OSBP2: variants seen among roughly 807,000 people sequenced by gnomAD.
The protein encoded by OSBP2 is oxysterol-binding protein 2.
OSBP2 carries 66 observed loss-of-function variants against 96.0 expected under a neutral mutation model. The observed-to-expected ratio is 0.69, with a 90% CI of 0.56 to 0.84. The LOEUF is 0.84. Ranked by LOEUF, OSBP2 falls within the 40% of genes least tolerant of loss-of-function variation. The pLI is 0.00. For synonymous variants in OSBP2, 525 were observed against 520.9 expected (o/e 1.01, Z -0.11); for missense variants, 1,038 against 1,222.7 (o/e 0.85, Z 2.25).
intron 3 of OSBP2, among the ~76,000 whole-genome samples, chr22:30,880,300 G>A (rs569389624): frequency 5.3e-5 from 8 of 152,308 alleles, no homozygotes; most frequent in Non-Finnish European, 8.8e-5. Flanking sequence ...AGGGTCCTCC[G>A]GCCGCCCACC....
At chr22:30,830,971 G>T (rs1204049462) in intron 2 of OSBP2, among the ~76,000 whole-genome samples, 1 of 152,096 alleles carries the variant, frequency 6.6e-6, no homozygotes, top group Non-Finnish European at 1.5e-5. Flanking sequence ...TTCGTTGGAA[G>T]GCTGTGGAAT....
At chr22:30,905,491 G>A (rs1006914161) in intron 12 of OSBP2, among the ~76,000 whole-genome samples, 4 of 151,778 alleles carry the variant, frequency 2.6e-5, no homozygotes, top group African/African-American at 9.7e-5. Context: ...CAACAAGAGT[G>A]AAACTGTCTC....
At chr22:30,879,773 C>T (rs2039661790) in intron 3 of OSBP2, among the ~76,000 whole-genome samples, 1 of 152,210 alleles carries the variant, frequency 6.6e-6, no homozygotes, top group Admixed American at 6.5e-5. Flanking sequence ...GAAGCCAAGC[C>T]AGGCATGGTG....
chr22:30,768,685 A>C (rs952774155), intron 2 of OSBP2, among the ~76,000 whole-genome samples: 5 of 152,136 alleles, frequency 3.3e-5, no homozygotes, highest in East Asian at 1.9e-4. Context: ...ATCTCAAAAA[A>C]AAAAACAAAA....
intron 3 of OSBP2, among the ~76,000 whole-genome samples, chr22:30,872,010 C>A (rs7289693): frequency 0.048 from 7,314 of 152,340 alleles, 588 homozygotes; most frequent in African/African-American, 0.17. Flanking sequence ...GGAAACTCAG[C>A]CTGCAGGTGC....
intron 2 of OSBP2, among the ~76,000 whole-genome samples, chr22:30,869,760 G>A (rs1171540370): frequency 3.9e-5 from 6 of 152,166 alleles, no homozygotes; most frequent in African/African-American, 1.2e-4. Context: ...TCTTTTGGCA[G>A]AGTTTGGACA....
At chr22:30,837,037 G>A (rs986417888) in intron 2 of OSBP2, among the ~76,000 whole-genome samples, 6 of 152,064 alleles carry the variant, frequency 3.9e-5, no homozygotes, top group African/African-American at 1.5e-4. Flanking sequence ...CATCACTTGA[G>A]CCCAGGAGTT....
chr22:30,781,262 A>G (rs2090515661), intron 2 of OSBP2, among the ~76,000 whole-genome samples: 1 of 151,656 alleles, frequency 6.6e-6, no homozygotes, highest in South Asian at 2.1e-4. Flanking sequence ...GATTACAGAC[A>G]TGAGCCACCA....
At chr22:30,735,701 ATTCTTC>A (rs538843733) in intron 1 of OSBP2, among the ~76,000 whole-genome samples, 7 of 151,302 alleles carry the variant, frequency 4.6e-5, no homozygotes, top group Middle Eastern at 3.4e-3. Flanking sequence ...GGCTGAAGCG[ATTCTTC>A]TTCTTCTTCT....
At position 30,739,820 on chromosome 22, in the gene OSBP2, T is replaced by TTTTTG. The variant is rs564819366; in HGVS notation, c.645-1322_645-1318dup. On this transcript the variant is annotated intron_variant, in intron 1 of 13. Transcript: ENST00000332585. ...CTCCCTGAGCATTCAGGGAGCAGAG[T>TTTTTG]TTTTGTTTTGTTTTGTTTTGTTTGT... Among the ~76,000 whole-genome samples, 251 of 149,760 alleles carry TTTTTG rather than the reference T, an allele frequency of 1.7e-3. 1 individual carries two copies. Among genetic ancestry groups the TTTTTG allele is most frequent in the African/African-American group, 5.7e-3 (230 of 40,592 alleles).
At chr22:30,714,221 T>A (rs117374444) in intron 1 of OSBP2, among the ~76,000 whole-genome samples, 112 of 152,368 alleles carry the variant, frequency 7.4e-4, no homozygotes, top group Middle Eastern at 3.4e-3. Context: ...TCATGCATGT[T>A]GTGCACATAC....
chr22:30,871,690 A>G lies in OSBP2; in HGVS notation c.1107+1008A>G, dbSNP rs2039462807. Reference sequence around the variant, plus strand: ...GACCCAGCCCCCAAACTAGGAGGTTAGACCAGGGCCGGACTGGGAGCTGGG... The same window carrying G: ...GACCCAGCCCCCAAACTAGGAGGTTGGACCAGGGCCGGACTGGGAGCTGGG... On this transcript the variant is annotated intron_variant, in intron 3 of 13. Coordinates refer to ENST00000332585, the MANE Select transcript of OSBP2 (RefSeq NM_030758.4). This position sits in a 1 kb window ranked among gnomAD's most constrained non-coding sequence, Gnocchi z 4.7. 1.3e-5 allele frequency among the ~76,000 whole-genome samples: 2 copies of G among 151,982 alleles called. No homozygotes were observed. Among genetic ancestry groups the G allele is most frequent in the African/African-American group, 4.8e-5 (2 of 41,406 alleles).
upstream of OSBP2, chr22:30,693,971 GA>G (rs11383654): frequency 5.4e-3 from 4,659 of 856,042 alleles, no homozygotes; most frequent in Non-Finnish European, 6.1e-3. Context: ...TCTCAAAAAG[GA>G]AAAAAAAAAA....
At chr22:30,827,249 G>A (rs1159304321) in intron 2 of OSBP2, among the ~76,000 whole-genome samples, 2 of 152,276 alleles carry the variant, frequency 1.3e-5, no homozygotes, top group African/African-American at 4.8e-5. Context: ...CAGCTCTGCT[G>A]GCTCTGGAGG....
chr22:30,732,011 A>G (rs989000888), intron 1 of OSBP2, among the ~76,000 whole-genome samples: 1 of 152,190 alleles, frequency 6.6e-6, no homozygotes, highest in Non-Finnish European at 1.5e-5. Flanking sequence ...GGAAATGTTA[A>G]GAGATACCGG....
intron 1 of OSBP2, among the ~76,000 whole-genome samples, chr22:30,710,007 C>G (rs138662086): frequency 0.061 from 9,320 of 152,060 alleles, 387 homozygotes; most frequent in Non-Finnish European, 0.092. Context: ...TTCAGCCTCC[C>G]GAGTAGCTGG....
intron 2 of OSBP2, among the ~76,000 whole-genome samples, chr22:30,859,193 T>C (rs1223883646): frequency 1.3e-5 from 2 of 152,168 alleles, no homozygotes; most frequent in Non-Finnish European, 2.9e-5. Context: ...GAAGCCGCGC[T>C]GGCTGTCTCC....
In OSBP2 at chr22:30,730,784, A is replaced by C. The variant is rs1195274397; in HGVS notation, c.645-10377A>C. Among the ~76,000 whole-genome samples, 242 of 36,186 alleles carry C rather than the reference A, an allele frequency of 6.7e-3. 3 individuals carry two copies. Among genetic ancestry groups the C allele is most frequent in the Admixed American group, 0.02 (51 of 2,596 alleles). The allele number at this position is 36,186 out of a possible 152,430, so 23.7% of individuals were successfully genotyped here. A position where few individuals can be genotyped will look rare whatever the true frequency, so the allele number is the denominator to read the frequency against. On this transcript the variant is annotated intron_variant, in intron 1 of 13. Coordinates refer to ENST00000332585, the MANE Select transcript of OSBP2 (RefSeq NM_030758.4). ...TCTCTCTCTCTCTCTCTATATATATATATATATATATATATATATATATAA... is the reference window on the plus strand; with the variant it reads ...TCTCTCTCTCTCTCTCTATATATATCTATATATATATATATATATATATAA...
chr22:30,723,833 TA>T (rs2089596333), intron 1 of OSBP2, among the ~76,000 whole-genome samples: 1 of 152,174 alleles, frequency 6.6e-6, no homozygotes, highest in Non-Finnish European at 1.5e-5. Flanking sequence ...CGTCCCCCGT[TA>T]CCAACATCCC....
Sources: gnomAD v4.1 joint callset for allele counts (sites outside exome capture counted in the v4.1 genomes callset) on GRCh38, gnomAD v4.1.1 for gene constraint, Gnocchi (gnomAD v3.1) non-coding constraint, MANE v1.5 for transcripts, NCBI Gene and HGNC (gene_info 2026-07-23, HGNC 2026-07-21) for gene names.